The following WDFY4 variants were observed in gnomAD, a reference collection of about 807,000 sequenced individuals.
WDFY4 encodes the protein WDFY family member 4.
WDFY4 carries 169 observed loss-of-function variants against 351.9 expected under a neutral mutation model. The ratio of observed to expected loss-of-function variants is 0.48; its 90% CI spans 0.42 to 0.55. The LOEUF is 0.55. WDFY4 is among the 20% of genes least tolerant of loss of function. The probability of loss-of-function intolerance (pLI) is 0.00; values close to 1 mark genes in which losing one functional copy is unlikely to be tolerated. For missense variants in WDFY4, 3,803 were observed against 3,935.6 expected, an observed-to-expected ratio of 0.97 and a Z score of 0.90; for synonymous variants, 1,622 against 1,574.6, an observed-to-expected ratio of 1.03 and a Z score of -0.71.
chr10:48,795,524 C>CAT (rs1565208039), intron 23 of WDFY4, among the ~76,000 whole-genome samples: 6 of 52,358 alleles, frequency 1.1e-4, no homozygotes, highest in Non-Finnish European at 1.9e-4. Context: ...TATATATATA[C>CAT]ATATATATAT....
chr10:48,745,729 A>T, intron 12 of WDFY4: 1 of 551,818 alleles, frequency 1.8e-6, no homozygotes, highest in Admixed American at 2.4e-5. Flanking sequence ...CAGGCGCCCC[A>T]CGTAGGCAAA....
intron 58 of WDFY4, among the ~76,000 whole-genome samples, chr10:48,975,890 A>T (rs1214860816): frequency 6.6e-6 from 1 of 152,108 alleles, no homozygotes; most frequent in Non-Finnish European, 1.5e-5. Flanking sequence ...TGGATAATGG[A>T]TTGGTAGATG....
rs189021698 is a variant in WDFY4 at position 48,872,728 on chromosome 10, T to A, written c.6742-763T>A. Among the ~76,000 whole-genome samples, 25 of 152,316 alleles carry A rather than the reference T, an allele frequency of 1.6e-4. No homozygotes were observed. The East Asian group carries it at 4.8e-3, about 29-fold the overall frequency. On this transcript the variant is annotated intron_variant, in intron 40 of 61. Transcript: ENST00000325239. Reference sequence around the variant, plus strand: ...AATGCAGGTTGGGGGTATCTATGTATTATTAGAAAAGTTTGAGTCATACTG... The same window carrying A: ...AATGCAGGTTGGGGGTATCTATGTAATATTAGAAAAGTTTGAGTCATACTG...
chr10:48,777,532 C>G (rs149111675), intron 17 of WDFY4, 37 bp downstream of exon 17: 1 of 1,526,612 alleles, frequency 6.6e-7, no homozygotes, highest in African/African-American at 1.4e-5. Context: ...CTCTCCATCC[C>G]TTCCAAAGTA....
At chr10:48,770,306 C>T (rs2065819948) in intron 13 of WDFY4, among the ~76,000 whole-genome samples, 1 of 152,112 alleles carries the variant, frequency 6.6e-6, no homozygotes, top group Non-Finnish European at 1.5e-5. Flanking sequence ...TTAAGTATTC[C>T]TGCTATGTTG....
Position 48,768,373 on chromosome 10 carries a change from G to A in WDFY4, c.2554-6085G>A, listed in dbSNP as rs376362876. Among the ~76,000 whole-genome samples the A allele has an allele frequency of 2.0e-5, 3 of 152,198 alleles. No homozygotes were observed. The East Asian group carries it at 5.8e-4, about 29-fold the overall frequency. ...CAGCGAGCCCCTTTGCAGGGCACCC[G>A]AGGGCCCGAATGTTGCAACTCTGCC... On this transcript the variant is annotated intron_variant, in intron 13 of 61. Coordinates refer to ENST00000325239, the MANE Select transcript of WDFY4 (RefSeq NM_001394531.1).
chr10:48,882,259 A>G (rs941185133), intron 43 of WDFY4, among the ~76,000 whole-genome samples: 1 of 152,140 alleles, frequency 6.6e-6, no homozygotes, highest in African/African-American at 2.4e-5. Context: ...GGCTGCCACA[A>G]CACCACCACC....
At chr10:48,897,753 T>G (rs1343124422) in intron 45 of WDFY4, among the ~76,000 whole-genome samples, 179 bp downstream of exon 45, 1 of 152,258 alleles carries the variant, frequency 6.6e-6, no homozygotes, top group Non-Finnish European at 1.5e-5. Flanking sequence ...TGGTCCCAGG[T>G]GGGAGTTCTG....
chr10:48,822,034 C>T (rs2067840715), intron 34 of WDFY4, among the ~76,000 whole-genome samples: 1 of 152,154 alleles, frequency 6.6e-6, no homozygotes, highest in Non-Finnish European at 1.5e-5. Context: ...TGGCTTTATC[C>T]TCTGCCTAGT....
At chr10:48,689,073 G>C (rs1341671649) in intron 1 of WDFY4, among the ~76,000 whole-genome samples, 2 of 151,236 alleles carry the variant, frequency 1.3e-5, no homozygotes, top group African/African-American at 4.9e-5. Context: ...AGACAAGCAA[G>C]GCAGCTTGGC....
intron 13 of WDFY4, among the ~76,000 whole-genome samples, chr10:48,770,761 C>G (rs566446070): frequency 6.6e-6 from 1 of 152,330 alleles, no homozygotes; most frequent in South Asian, 2.1e-4. Flanking sequence ...CTTTCAGTTT[C>G]TGATCCTTGT....
intron 51 of WDFY4, among the ~76,000 whole-genome samples, chr10:48,954,448 C>A (rs896685488): frequency 2.0e-5 from 3 of 152,228 alleles, no homozygotes; most frequent in Non-Finnish European, 4.4e-5. Context: ...TCTCTTTGAT[C>A]ACTTTGTTCC....
intron 43 of WDFY4, among the ~76,000 whole-genome samples, chr10:48,885,889 C>T (rs1334461867): frequency 6.6e-6 from 1 of 152,100 alleles, no homozygotes; most frequent in Admixed American, 6.5e-5. Flanking sequence ...TCATAGATGA[C>T]CAAATATAGC....
intron 39 of WDFY4, among the ~76,000 whole-genome samples, chr10:48,840,447 C>CACCT (rs200382635): frequency 6.7e-6 from 1 of 148,342 alleles, no homozygotes; most frequent in East Asian, 2.0e-4. Flanking sequence ...CACACACACA[C>CACCT]CTCTCTCACG....
chr10:48,778,734 C>G lies in WDFY4; in HGVS notation c.3299C>G (p.Ala1100Gly). The G allele has an allele frequency of 6.4e-7, 1 of 1,551,660 alleles. No homozygotes were observed. Among genetic ancestry groups the G allele is most frequent in the African/African-American group, 1.4e-5 (1 of 73,188 alleles). ...LRFLTLVRHL[A>G]RTEQPFVCFS... Reference sequence around the variant, plus strand: ...TTCCTGACGTTGGTGCGCCACCTGGCCAGGACTGAGCAACCCTTTGTTTGC... The same window carrying G: ...TTCCTGACGTTGGTGCGCCACCTGGGCAGGACTGAGCAACCCTTTGTTTGC... Residue 1100 changes from alanine to glycine, a missense_variant, in exon 18 of 62, where the codon GCC (alanine) becomes GGC (glycine). Coordinates refer to ENST00000325239, the MANE Select transcript of WDFY4 (RefSeq NM_001394531.1).
chr10:48,750,041 C>T (rs2065132673), intron 12 of WDFY4, among the ~76,000 whole-genome samples: 1 of 152,220 alleles, frequency 6.6e-6, no homozygotes, highest in Admixed American at 6.5e-5. Context: ...TCATGGGGCA[C>T]TCTGCAGGCC....
intron 58 of WDFY4, 117 bp downstream of exon 58, chr10:48,975,158 C>A: frequency 1.5e-6 from 2 of 1,360,706 alleles, no homozygotes; most frequent in Non-Finnish European, 2.0e-6. Context: ...GCTGAGAGGG[C>A]CCCCAATTGT....
rs772034235 is a variant in WDFY4, at chr10:48,811,728, A to G, written c.5214+20A>G. On this transcript the variant is annotated intron_variant, in intron 30 of 61. Coordinates refer to ENST00000325239, the MANE Select transcript of WDFY4 (RefSeq NM_001394531.1). The stretch of plus-strand genomic sequence containing the variant: ...CCCAAAGTAGGTTTTCAGAGCACCC[A>G]CAGGGTGACACACTTGGTTTTCTGA... The G allele has an allele frequency of 6.5e-7, 1 of 1,548,578 alleles. No individual in the cohort carries two copies. Among genetic ancestry groups the G allele is most frequent in the Non-Finnish European group, 8.7e-7 (1 of 1,144,706 alleles).
At chr10:48,776,636 T>C (rs941070811) in intron 15 of WDFY4, 114 bp from the exon 16 acceptor site, 14 of 1,060,670 alleles carry the variant, frequency 1.3e-5, no homozygotes, top group Middle Eastern at 6.3e-4. Context: ...AAGTACCTGG[T>C]GACTGTGCGA....
Sources: allele counts gnomAD v4.1 joint callset (sites outside exome capture counted in the v4.1 genomes callset), GRCh38; gene constraint gnomAD v4.1.1; transcripts MANE v1.5; gene names NCBI Gene and HGNC (gene_info 2026-07-23, HGNC 2026-07-21).